SPMAP2L: variants seen among roughly 807,000 people sequenced by gnomAD.
The protein encoded by SPMAP2L is sperm microtubule associated protein 2 like.
the SPMAP2L span, among the ~76,000 whole-genome samples, chr4:56,543,964 G>C: frequency 8.4e-6 from 1 of 118,626 alleles, no homozygotes; most frequent in African/African-American, 3.7e-5. Context: ...GTGTGTGTGT[G>C]TGTGTATGTG....
At chr4:56,602,174 C>T in the SPMAP2L span, among the ~76,000 whole-genome samples, 10 of 152,176 alleles carry the variant, frequency 6.6e-5, no homozygotes, top group African/African-American at 1.2e-4. Flanking sequence ...TTAACTTGCC[C>T]GAGCCTCAAT....
the SPMAP2L span, chr4:56,596,743 G>A: frequency 8.3e-7 from 1 of 1,199,830 alleles, no homozygotes; most frequent in Non-Finnish European, 1.1e-6. Context: ...AATCTGGGAA[G>A]AGTGGTCTGT....
chr4:56,535,825 C>T, the SPMAP2L span, among the ~76,000 whole-genome samples: 1 of 152,192 alleles, frequency 6.6e-6, no homozygotes, highest in African/African-American at 2.4e-5. Flanking sequence ...AATGGGTTCT[C>T]ACCTCAGGCA....
the SPMAP2L span, among the ~76,000 whole-genome samples, chr4:56,541,233 C>T: frequency 6.6e-6 from 1 of 151,738 alleles, no homozygotes; most frequent in African/African-American, 2.4e-5. Context: ...ATGTTTTTGC[C>T]AATTTGAATA....
At chr4:56,537,936 G>A in the SPMAP2L span, among the ~76,000 whole-genome samples, 6 of 152,116 alleles carry the variant, frequency 3.9e-5, no homozygotes, top group East Asian at 1.9e-4. Context: ...CTTGTGATCT[G>A]CCCGCCTCGG....
At chr4:56,586,851 C>T in the SPMAP2L span, among the ~76,000 whole-genome samples, 1 of 151,974 alleles carries the variant, frequency 6.6e-6, no homozygotes, top group Non-Finnish European at 1.5e-5. Context: ...TTCAAGGGGG[C>T]AGCGACACAA....
chr4:56,594,366 C>T, the SPMAP2L span: 7 of 1,555,974 alleles, frequency 4.5e-6, no homozygotes, highest in African/African-American at 6.8e-5. Context: ...GAACTCGCAC[C>T]TATCACATGG....
chr4:56,573,593 C>T, the SPMAP2L span, among the ~76,000 whole-genome samples: 4 of 152,174 alleles, frequency 2.6e-5, no homozygotes, highest in Non-Finnish European at 2.9e-5. Flanking sequence ...CAGTGTGCCC[C>T]ATTGTTCAAA....
the SPMAP2L span, among the ~76,000 whole-genome samples, chr4:56,543,013 TA>T: frequency 0.11 from 16,590 of 148,228 alleles, 990 homozygotes; most frequent in East Asian, 0.2. Context: ...AGTAGGAACT[TA>T]AAAAAAAAAA....
chr4:56,588,730 C>T, the SPMAP2L span, among the ~76,000 whole-genome samples: 7 of 151,962 alleles, frequency 4.6e-5, no homozygotes, highest in Non-Finnish European at 8.8e-5. Context: ...TGTGTCCAGC[C>T]ATCTTCTAGA....
chr4:56,563,233 C>T, the SPMAP2L span, among the ~76,000 whole-genome samples: 3,133 of 150,388 alleles, frequency 0.021, 108 homozygotes, highest in African/African-American at 0.072. Context: ...GCTAGGACTA[C>T]AGGCACATGT....
the SPMAP2L span, among the ~76,000 whole-genome samples, chr4:56,612,326 A>AT: frequency 6.6e-6 from 1 of 151,960 alleles, no homozygotes; most frequent in African/African-American, 2.4e-5. Flanking sequence ...ATACTAAAAC[A>AT]TTTTTTACCC....
chr4:56,538,067 C>T, the SPMAP2L span, among the ~76,000 whole-genome samples: 7 of 152,328 alleles, frequency 4.6e-5, no homozygotes, highest in Admixed American at 4.6e-4. Flanking sequence ...CCTATGGCTA[C>T]CGCAGCCAGA....
the SPMAP2L span, among the ~76,000 whole-genome samples, chr4:56,604,519 G>C: frequency 6.6e-6 from 1 of 151,882 alleles, no homozygotes; most frequent in Non-Finnish European, 1.5e-5. Context: ...TTAGCCTGGT[G>C]TGGTGGTACA....
At chr4:56,594,539 A>T in the SPMAP2L span, 3 of 1,608,610 alleles carry the variant, frequency 1.9e-6, no homozygotes, top group East Asian at 6.7e-5. Context: ...TGGACTGGCC[A>T]CTATCCGAGC....
the SPMAP2L span, chr4:56,575,661 C>A: frequency 6.5e-7 from 1 of 1,532,798 alleles, no homozygotes; most frequent in Non-Finnish European, 8.7e-7. Flanking sequence ...TCTTGAGAAT[C>A]TCTGTAAATC....
At chr4:56,551,496 G>T in the SPMAP2L span, among the ~76,000 whole-genome samples, 1 of 53,990 alleles carries the variant, frequency 1.9e-5, no homozygotes, top group Non-Finnish European at 4.8e-5. Context: ...TGGGATGTCA[G>T]TTCAATTCGG....
the SPMAP2L span, among the ~76,000 whole-genome samples, chr4:56,561,605 G>C: frequency 6.6e-6 from 1 of 152,076 alleles, no homozygotes; most frequent in Non-Finnish European, 1.5e-5. Flanking sequence ...AGTCTCAAGA[G>C]AGTGAGAACT....
At chr4:56,563,629 C>A in the SPMAP2L span, among the ~76,000 whole-genome samples, 8 of 152,140 alleles carry the variant, frequency 5.3e-5, no homozygotes, top group African/African-American at 1.9e-4. Flanking sequence ...GTGGCCATTT[C>A]TCTATCTCTT....
Sources: allele counts gnomAD v4.1 joint callset (sites outside exome capture counted in the v4.1 genomes callset), GRCh38; gene constraint gnomAD v4.1.1; transcripts MANE v1.5; gene names NCBI Gene and HGNC (gene_info 2026-07-23, HGNC 2026-07-21).